The following GRID1 variants were observed in gnomAD, a reference collection of about 807,000 sequenced individuals.
The protein encoded by GRID1 is glutamate receptor ionotropic, delta-1.
A neutral mutation model predicts 98.0 loss-of-function variants in GRID1; 28 were observed. The observed-to-expected ratio is 0.29, with a 90% confidence interval of 0.21 to 0.39. GRID1 has a LOEUF of 0.39. GRID1 is among the 10% of genes least tolerant of loss of function. GRID1 has a pLI of 1.00. For synonymous variants in GRID1, 553 were observed against 538.5 expected (o/e 1.03, Z -0.37); for missense variants, 1,111 against 1,340.5 (o/e 0.83, Z 2.67).
At chr10:85,791,592 G>A (rs545258706) in intron 8 of GRID1, among the ~76,000 whole-genome samples, 1 of 152,202 alleles carries the variant, frequency 6.6e-6, no homozygotes, top group South Asian at 2.1e-4. Flanking sequence ...ATATATATAT[G>A]AACAGAATGT....
chr10:85,769,478 A>T (rs1462614665), intron 8 of GRID1, among the ~76,000 whole-genome samples: 1 of 152,198 alleles, frequency 6.6e-6, no homozygotes, highest in Non-Finnish European at 1.5e-5. Flanking sequence ...TGGGTGCAGG[A>T]CAGTGGGTGC....
chr10:86,088,599 T>TG (rs1449070790), intron 4 of GRID1, among the ~76,000 whole-genome samples: 1 of 152,146 alleles, frequency 6.6e-6, no homozygotes, highest in Admixed American at 6.5e-5. Context: ...ATGAAAACTT[T>TG]GGGGGTTCAT....
intron 5 of GRID1, among the ~76,000 whole-genome samples, chr10:85,895,614 C>T (rs968420481): frequency 2.6e-5 from 4 of 152,134 alleles, no homozygotes; most frequent in Admixed American, 1.3e-4. Context: ...CACATCTCTC[C>T]CAGTACTGTG....
Position 85,647,187 on chromosome 10 carries a change from C to T in GRID1, c.2193+15G>A. 6.2e-7 allele frequency: 1 copy of T among 1,612,110 alleles called. No individual in the cohort carries two copies. The highest frequency in any genetic ancestry group is 1.1e-5 in the South Asian group (1 of 90,998). ...CTGTTACAGTGCACGTGCCCAAGCGCCAGCTCCTGCCTACCTTCCTGATGC... is the reference window on the plus strand; with the variant it reads ...CTGTTACAGTGCACGTGCCCAAGCGTCAGCTCCTGCCTACCTTCCTGATGC... On this transcript the variant is annotated intron_variant, in intron 13 of 15. Transcript: ENST00000327946.
chr10:86,004,396 C>T (rs537376459), intron 4 of GRID1, among the ~76,000 whole-genome samples: 1 of 152,302 alleles, frequency 6.6e-6, no homozygotes, highest in South Asian at 2.1e-4. Context: ...GCCACAATGT[C>T]CAGATACTTG....
intron 5 of GRID1, among the ~76,000 whole-genome samples, chr10:85,904,997 A>AGG (rs1841440506): frequency 6.6e-6 from 1 of 152,080 alleles, no homozygotes; most frequent in African/African-American, 2.4e-5. Context: ...GAAAATTATA[A>AGG]GTACACAAGT....
chr10:85,967,378 C>G (rs966690279), intron 4 of GRID1, among the ~76,000 whole-genome samples: 1 of 151,884 alleles, frequency 6.6e-6, no homozygotes, highest in Non-Finnish European at 1.5e-5. Flanking sequence ...AGCAACAAAC[C>G]CAGGATAAAG....
rs2132514361 is a variant in GRID1 at position 85,613,563 on chromosome 10, G to A, written c.2445C>T (p.Ser815=). 6.2e-7 allele frequency: 1 copy of A among 1,614,200 alleles called. No individual in the cohort carries two copies. Among genetic ancestry groups the A allele is most frequent in the African/African-American group, 1.3e-5 (1 of 75,078 alleles). ...WPHMGRCDLT[S]HASAQADGKS... is the part of the protein sequence containing the mutation. ...TGCCGTCGGCCTGGGCGCTGGCATGGCTGGTGAGGTCACAGCGGCCCATGT... is the reference window on the plus strand; with the variant it reads ...TGCCGTCGGCCTGGGCGCTGGCATGACTGGTGAGGTCACAGCGGCCCATGT... Residue 815 remains serine, a synonymous_variant, in exon 15 of 16, where the codon AGC becomes AGT. Coordinates refer to ENST00000327946, the MANE Select transcript of GRID1 (RefSeq NM_017551.3).
At chr10:85,703,446 G>A (rs943949104) in intron 12 of GRID1, among the ~76,000 whole-genome samples, 4 of 151,922 alleles carry the variant, frequency 2.6e-5, no homozygotes, top group Non-Finnish European at 4.4e-5. Flanking sequence ...TCTTAGAGAC[G>A]CCATATAGGA....
chr10:86,095,290 C>G (rs1008865233), intron 4 of GRID1, among the ~76,000 whole-genome samples: 10 of 152,130 alleles, frequency 6.6e-5, no homozygotes, highest in African/African-American at 2.4e-4. Context: ...CAGACATTGG[C>G]TTAGGCAAGG....
chr10:86,342,735 A>G (rs1424065575), intron 2 of GRID1, among the ~76,000 whole-genome samples: 1 of 152,206 alleles, frequency 6.6e-6, no homozygotes, highest in Non-Finnish European at 1.5e-5. Context: ...TACCCCCTCC[A>G]TGGCAGCATA....
Position 85,653,004 on chromosome 10 carries a change from G to A in GRID1, c.1998-5607C>T, listed in dbSNP as rs188378832. Among the ~76,000 whole-genome samples, 158 of 152,328 alleles carry A rather than the reference G, an allele frequency of 1.0e-3. 1 individual carries two copies. The highest frequency in any genetic ancestry group is 1.1e-3 in the Non-Finnish European group (72 of 68,030). On this transcript the variant is annotated intron_variant, in intron 12 of 15. Coordinates refer to ENST00000327946, the MANE Select transcript of GRID1 (RefSeq NM_017551.3). The stretch of plus-strand genomic sequence containing the variant: ...AGCAACAATACAATAACTAGGTAAT[G>A]CCAGGGTCAGCAAACTTTCTGGAAA...
intron 12 of GRID1, among the ~76,000 whole-genome samples, chr10:85,680,340 A>G (rs1289608335): frequency 6.6e-6 from 1 of 152,104 alleles, no homozygotes; most frequent in Non-Finnish European, 1.5e-5. Flanking sequence ...TCCCTAGCCC[A>G]GGAGTCTACA....
chr10:86,002,566 G>T (rs1410680632), intron 4 of GRID1, among the ~76,000 whole-genome samples: 4 of 152,124 alleles, frequency 2.6e-5, no homozygotes, highest in African/African-American at 9.7e-5. Context: ...TTATTACAGT[G>T]GTTACTGGGC....
chr10:85,720,690 A>G (rs938563474), intron 12 of GRID1, among the ~76,000 whole-genome samples: 6 of 151,784 alleles, frequency 4.0e-5, no homozygotes, highest in African/African-American at 1.4e-4. Context: ...AAACCCCAAA[A>G]CTCTCAACCT....
intron 8 of GRID1, among the ~76,000 whole-genome samples, chr10:85,744,495 T>C (rs1264581717): frequency 6.8e-6 from 1 of 148,066 alleles, no homozygotes; most frequent in Non-Finnish European, 1.5e-5. Flanking sequence ...TAATAAATGG[T>C]GCTGGGAAAA....
At chr10:86,210,144 G>A (rs1846087372) in intron 2 of GRID1, among the ~76,000 whole-genome samples, 1 of 152,194 alleles carries the variant, frequency 6.6e-6, no homozygotes, top group African/African-American at 2.4e-5. Flanking sequence ...AAATTCATTT[G>A]TGGTTGGCAC....
rs1406200826 is a variant in GRID1 at position 86,048,008 on chromosome 10, C to A, written c.726+90811G>T. Among the ~76,000 whole-genome samples the A allele has an allele frequency of 2.6e-5, 4 of 152,262 alleles. No individual in the cohort carries two copies. The East Asian group carries it at 7.7e-4, about 29-fold the overall frequency. On this transcript the variant is annotated intron_variant, in intron 4 of 15. Transcript: ENST00000327946. Reference sequence around the variant, plus strand: ...GATGTGGCAATGCGGTGACTGCATTCCCTTTGTCAGCTTCTGCTTTTTGCT... The same window carrying A: ...GATGTGGCAATGCGGTGACTGCATTACCTTTGTCAGCTTCTGCTTTTTGCT...
chr10:86,298,976 T>C (rs1847637672), intron 2 of GRID1, among the ~76,000 whole-genome samples: 1 of 152,138 alleles, frequency 6.6e-6, no homozygotes, highest in Non-Finnish European at 1.5e-5. Flanking sequence ...CCGGGCTAGC[T>C]GCAGAGGAAA....
Sources: allele counts gnomAD v4.1 joint callset (sites outside exome capture counted in the v4.1 genomes callset), GRCh38; gene constraint gnomAD v4.1.1; transcripts MANE v1.5; gene names NCBI Gene and HGNC (gene_info 2026-07-23, HGNC 2026-07-21).